The following LEKR1 variants were observed in gnomAD, a reference collection of about 807,000 sequenced individuals.
The protein encoded by LEKR1 is leucine, glutamate and lysine rich 1, also known as protein LEKR1.
Under a neutral mutation model 72.4 loss-of-function variants are expected in LEKR1, and 59 were observed. The observed-to-expected ratio is 0.82, with a 90% confidence interval of 0.66 to 1.01. The LOEUF (loss-of-function observed/expected upper bound fraction) is 1.01. LEKR1 is among the 50% of genes least tolerant of loss of function. LEKR1 has a pLI of 0.00. For synonymous variants in LEKR1, 257 were observed against 263.2 expected, an observed-to-expected ratio of 0.98 and a Z score of 0.23; for missense variants, 728 against 759.2, an observed-to-expected ratio of 0.96 and a Z score of 0.48.
chr3:156,860,006 A>C (rs1360616847), intron 3 of LEKR1, among the ~76,000 whole-genome samples: 1 of 152,152 alleles, frequency 6.6e-6, no homozygotes, highest in Non-Finnish European at 1.5e-5. Flanking sequence ...GTCAATAAGA[A>C]AACTCATGGA....
At chr3:156,992,941 T>C in intron 8 of LEKR1, 133 bp from the exon 9 acceptor site, 2 of 535,652 alleles carry the variant, frequency 3.7e-6, no homozygotes, top group South Asian at 9.6e-5. Context: ...AACCATTCTT[T>C]TTTTAAAATT....
chr3:156,975,325 G>A (rs1295084825), intron 6 of LEKR1, among the ~76,000 whole-genome samples: 1 of 151,514 alleles, frequency 6.6e-6, no homozygotes, highest in African/African-American at 2.4e-5. Flanking sequence ...CCTGATCTCT[G>A]GGTGCCAGTT....
intron 2 of LEKR1, among the ~76,000 whole-genome samples, chr3:156,832,875 T>C (rs1019298926): frequency 1.6e-4 from 24 of 152,164 alleles, no homozygotes; most frequent in African/African-American, 4.8e-5. Context: ...CTTGGTAAAA[T>C]AATCAGTGTC....
At chr3:156,852,612 A>T (rs1334846876) in intron 2 of LEKR1, among the ~76,000 whole-genome samples, 156 bp from the exon 3 acceptor site, 1 of 152,136 alleles carries the variant, frequency 6.6e-6, no homozygotes, top group Non-Finnish European at 1.5e-5. Flanking sequence ...CCAGTTTAAA[A>T]TTTTTTATAC....
intron 7 of LEKR1, among the ~76,000 whole-genome samples, chr3:156,984,685 T>A (rs1320056285): frequency 6.6e-6 from 1 of 151,906 alleles, no homozygotes; most frequent in Non-Finnish European, 1.5e-5. Context: ...TCAAAAAAAA[T>A]TTTAAAAAAA....
intron 12 of LEKR1, among the ~76,000 whole-genome samples, chr3:157,042,473 A>C (rs1735425514): frequency 6.6e-6 from 1 of 152,172 alleles, no homozygotes; most frequent in East Asian, 1.9e-4. Flanking sequence ...GCATGGGTGC[A>C]CAGTTCAGCT....
At chr3:157,006,079 T>C (rs13318683) in intron 9 of LEKR1, among the ~76,000 whole-genome samples, 25,633 of 151,138 alleles carry the variant, frequency 0.17, 3,312 homozygotes, top group African/African-American at 0.36. Context: ...AATCTCGGCT[T>C]ACTGCAAGCT....
chr3:156,873,824 C>A (rs1345239970), intron 3 of LEKR1, among the ~76,000 whole-genome samples: 1 of 151,962 alleles, frequency 6.6e-6, no homozygotes, highest in Non-Finnish European at 1.5e-5. Flanking sequence ...AGAATATCAT[C>A]CCATTCTTTC....
intron 3 of LEKR1, among the ~76,000 whole-genome samples, chr3:156,855,063 A>G (rs1715881176): frequency 1.3e-5 from 2 of 152,076 alleles, no homozygotes; most frequent in Admixed American, 6.6e-5. Flanking sequence ...TTACTTAATC[A>G]ATTTTCTTTT....
intron 5 of LEKR1, among the ~76,000 whole-genome samples, chr3:156,940,965 C>A (rs1334502349): frequency 6.6e-6 from 1 of 152,050 alleles, no homozygotes; most frequent in Non-Finnish European, 1.5e-5. Flanking sequence ...AAGAAGCCAC[C>A]TTTTTGGCTA....
At chr3:156,917,965 G>A (rs1353474415) in intron 3 of LEKR1, among the ~76,000 whole-genome samples, 1 of 152,102 alleles carries the variant, frequency 6.6e-6, no homozygotes, top group East Asian at 1.9e-4. Flanking sequence ...AAGATTATCT[G>A]CTGTGTCTGA....
chr3:156,947,283 T>G (rs1329527833), intron 6 of LEKR1, among the ~76,000 whole-genome samples: 1 of 151,274 alleles, frequency 6.6e-6, no homozygotes, highest in Admixed American at 6.6e-5. Flanking sequence ...CCCATAGGTT[T>G]TGCTATGTTG....
chr3:156,991,466 T>A (rs1731139735), intron 7 of LEKR1, among the ~76,000 whole-genome samples: 1 of 152,158 alleles, frequency 6.6e-6, no homozygotes, highest in East Asian at 1.9e-4. Context: ...AGGAGGGCAT[T>A]GATAATCTTA....
rs1318155348 is a variant in LEKR1 at position 156,852,869 on chromosome 3, G to C, written c.150G>C (p.Glu50Asp). 4 of 1,534,520 alleles carry C rather than the reference G, an allele frequency of 2.6e-6. No individual in the cohort carries two copies. Among genetic ancestry groups the C allele is most frequent in the Non-Finnish European group, 3.5e-6 (4 of 1,144,972 alleles). Reference protein sequence around the residue: ...MEEKVKAMEKEMKFYQGSVDR... With the variant: ...MEEKVKAMEKDMKFYQGSVDR... ...AAAAAGTGAAAGCAATGGAAAAAGA[G>C]ATGAAATTTTATCAAGGAAGTGTAG... The change falls in exon 3 of 13, where the codon GAG (glutamate) becomes GAC (aspartate). Residue 50 changes from glutamate (E) to aspartate (D), a missense_variant. By Grantham distance (45) the Glu-to-Asp change is conservative (BLOSUM62 2). Coordinates refer to ENST00000356539, the MANE Select transcript of LEKR1 (RefSeq NM_001004316.3).
intron 3 of LEKR1, among the ~76,000 whole-genome samples, chr3:156,908,777 A>ATT (rs11425846): frequency 4.1e-4 from 62 of 151,714 alleles, no homozygotes; most frequent in Non-Finnish European, 6.8e-4. Flanking sequence ...CTGAGCTTTC[A>ATT]TTTTTTTTGT....
Position 157,046,070 on chromosome 3 carries a change from A to G in LEKR1, c.*320A>G, listed in dbSNP as rs1481095496. 4.2e-6 allele frequency: 1 copy of G among 238,698 alleles called. No homozygotes were observed. Among genetic ancestry groups the G allele is most frequent in the Non-Finnish European group, 8.1e-6 (1 of 123,504 alleles). 14.8% of individuals were successfully genotyped at this position (238,698 alleles called of 1,614,324 possible). ...AATTTTTCACCCATAACATCTTTTC[A>G]ATTTCTTGCGCCACTACAAGCAGAT... is the stretch of plus-strand genomic sequence containing the variant. On this transcript the variant is annotated 3_prime_UTR_variant, in exon 13 of 13. Transcript: ENST00000356539.
At chr3:156,911,450 T>G (rs1239967939) in intron 3 of LEKR1, among the ~76,000 whole-genome samples, 1 of 152,128 alleles carries the variant, frequency 6.6e-6, no homozygotes, top group Non-Finnish European at 1.5e-5. Flanking sequence ...CCATTCTCTA[T>G]GCTGTCTGTT....
chr3:156,828,677 A>T (rs983555862), intron 1 of LEKR1, among the ~76,000 whole-genome samples: 1 of 152,154 alleles, frequency 6.6e-6, no homozygotes, highest in African/African-American at 2.4e-5. Flanking sequence ...AATGGCTTTT[A>T]TTAGAAAAAG....
At chr3:156,955,420 G>A (rs907269135) in intron 6 of LEKR1, among the ~76,000 whole-genome samples, 1 of 151,888 alleles carries the variant, frequency 6.6e-6, no homozygotes. Context: ...CTTTGTTTAT[G>A]CCAGTTTTCC....
Sources: allele counts gnomAD v4.1 joint callset (sites outside exome capture counted in the v4.1 genomes callset), GRCh38; gene constraint gnomAD v4.1.1; transcripts MANE v1.5; gene names NCBI Gene and HGNC (gene_info 2026-07-23, HGNC 2026-07-21).